Variants in CPAMD8 observed in about 807,000 individuals in gnomAD.
The protein encoded by CPAMD8 is C3 and PZP-like alpha-2-macroglobulin domain-containing protein 8.
In CPAMD8, 146 loss-of-function variants were observed where a neutral mutation model predicts 224.7. The ratio of observed to expected loss-of-function variants is 0.65; its 90% CI spans 0.57 to 0.75. The LOEUF (loss-of-function observed/expected upper bound fraction) is 0.75. Among genes scored for constraint, CPAMD8 ranks in the 30% least tolerant of loss-of-function variants. CPAMD8 has a pLI of 0.00. For missense variants in CPAMD8, 2,301 were observed against 2,537.5 expected (o/e 0.91, Z 2.00); for synonymous variants, 966 against 1,044.6 (o/e 0.92, Z 1.45).
intron 21 of CPAMD8, 31 bp from the exon 22 acceptor site, chr19:16,945,710 C>T (rs771504133): frequency 6.2e-7 from 1 of 1,611,698 alleles, no homozygotes; most frequent in Non-Finnish European, 8.5e-7. Context: ...GGTCTCAGAA[C>T]AGGTCTCCAC....
chr19:16,973,002 C>A (rs1454510376), intron 17 of CPAMD8, among the ~76,000 whole-genome samples: 1 of 151,986 alleles, frequency 6.6e-6, no homozygotes, highest in African/African-American at 2.4e-5. Flanking sequence ...AACCCCATCT[C>A]TATAAATACG....
chr19:16,893,179 C>A lies in CPAMD8; in HGVS notation c.5587G>T (p.Val1863Phe), dbSNP rs372453862. 4 of 1,597,764 alleles carry A rather than the reference C, an allele frequency of 2.5e-6. No homozygotes were observed. Among genetic ancestry groups the A allele is most frequent in the South Asian group, 1.1e-5 (1 of 89,754 alleles). ...CCACTCTGAAAGGCTGGGCTGTAGA[C>A]GAAGACAGGGCTCAGAAGCCCTGGC... The part of the protein sequence containing the change: ...HRPGLLSPVF[V>F]YSPAFQSGGE... The change falls in exon 42 of 42, where the codon GTC becomes TTC. Residue 1863 changes from valine to phenylalanine, a missense_variant. Val to Phe is a conservative substitution (Grantham distance 50). Around this residue, in one of 4 missense-constraint regions of CPAMD8, gnomAD observed 1,709 missense variants for 1,753.2 expected, o/e 0.97. Transcript: ENST00000443236.
chr19:16,956,812 C>T (rs1338126219), intron 19 of CPAMD8, among the ~76,000 whole-genome samples: 2 of 151,800 alleles, frequency 1.3e-5, no homozygotes, highest in Non-Finnish European at 2.9e-5. Flanking sequence ...GGACTACAGG[C>T]GCCCGCCACC....
At chr19:16,939,741 T>C (rs2053822561) in intron 22 of CPAMD8, among the ~76,000 whole-genome samples, 1 of 152,090 alleles carries the variant, frequency 6.6e-6, no homozygotes, top group Admixed American at 6.6e-5. Flanking sequence ...TCTGCCCAAC[T>C]GCTTGAGCTG....
At chr19:17,004,683 G>A (rs977658813) in intron 7 of CPAMD8, among the ~76,000 whole-genome samples, 4 of 152,106 alleles carry the variant, frequency 2.6e-5, no homozygotes, top group Non-Finnish European at 5.9e-5. Context: ...ACAAACGAGG[G>A]AAATGAGCCA....
chr19:17,009,579 C>T (rs2123123228), intron 5 of CPAMD8: 1 of 370,432 alleles, frequency 2.7e-6, no homozygotes, highest in Non-Finnish European at 5.0e-6. Flanking sequence ...TTGAGACCAC[C>T]CTGGCTAACA....
At chr19:16,910,487 A>G (rs1376935782) in intron 29 of CPAMD8, 1 of 131,934 alleles carries the variant, frequency 7.6e-6, no homozygotes, top group African/African-American at 2.9e-5. Context: ...TTTTTTTTAA[A>G]TTAGTGACAG....
intron 23 of CPAMD8, 29 bp downstream of exon 23, chr19:16,938,366 C>G (rs943108388): frequency 1.4e-6 from 2 of 1,449,370 alleles, no homozygotes; most frequent in African/African-American, 3.0e-5. Flanking sequence ...GGTGGCCACA[C>G]CTTAGCAGAA....
intron 40 of CPAMD8, 43 bp from the exon 41 acceptor site, chr19:16,896,369 G>T: frequency 6.5e-7 from 1 of 1,548,992 alleles, no homozygotes; most frequent in South Asian, 1.2e-5. Context: ...TGGCGGGGAG[G>T]GGACCCAAGG....
Position 16,993,411 on chromosome 19 carries a change from C to A in CPAMD8, c.1266+5G>T. The A allele has an allele frequency of 6.2e-7, 1 of 1,610,966 alleles. No homozygotes were observed. Among genetic ancestry groups the A allele is most frequent in the Non-Finnish European group, 8.5e-7 (1 of 1,178,744 alleles). ...GAATAACAAGGGTCCACGGGACTCA[C>A]CCACCTCCAGCCACACGTGCTGGGC... On this transcript the variant is annotated splice_donor_5th_base_variant and intron_variant, in intron 12 of 41. Coordinates refer to ENST00000443236, the MANE Select transcript of CPAMD8 (RefSeq NM_015692.5).
chr19:17,022,332 C>T (rs1035600505), intron 1 of CPAMD8, 151 bp from the exon 2 acceptor site: 3 of 826,272 alleles, frequency 3.6e-6, no homozygotes, highest in African/African-American at 1.7e-5. Flanking sequence ...CTGTGCCCCC[C>T]CATCAGTTCT....
intron 18 of CPAMD8, among the ~76,000 whole-genome samples, chr19:16,960,675 G>A (rs1433185823): frequency 1.3e-5 from 2 of 151,970 alleles, no homozygotes; most frequent in East Asian, 1.9e-4. Context: ...ACTGAGGTGG[G>A]TGGATCACTG....
chr19:16,977,584 CCG>C, intron 14 of CPAMD8, 44 bp from the exon 15 acceptor site: 1 of 1,469,868 alleles, frequency 6.8e-7, no homozygotes, highest in Non-Finnish European at 9.2e-7. Context: ...TTCTCCGCAT[CCG>C]ACATGCAACC....
chr19:16,965,666 G>A (rs148926496), intron 18 of CPAMD8, among the ~76,000 whole-genome samples: 2 of 152,062 alleles, frequency 1.3e-5, no homozygotes, highest in African/African-American at 2.4e-5. Context: ...AAATCAATGT[G>A]CAAAAATCAC....
intron 21 of CPAMD8, 147 bp from the exon 22 acceptor site, chr19:16,945,826 T>C (rs911515102): frequency 6.6e-6 from 5 of 755,724 alleles, no homozygotes; most frequent in Non-Finnish European, 9.1e-6. Context: ...TGTGCATGCA[T>C]GCAAGTGTGT....
intron 3 of CPAMD8, among the ~76,000 whole-genome samples, chr19:17,015,220 T>TGAC (rs2056779214): frequency 6.6e-6 from 1 of 152,134 alleles, no homozygotes; most frequent in Non-Finnish European, 1.5e-5. Context: ...CCAGCCTAGG[T>TGAC]GACAGAGTGA....
intron 19 of CPAMD8, 28 bp downstream of exon 19, chr19:16,957,825 T>A (rs1055690090): frequency 7.4e-6 from 12 of 1,612,688 alleles, no homozygotes; most frequent in Non-Finnish European, 8.5e-6. Flanking sequence ...ACCGGCAAAG[T>A]CAGCGCAGAA....
chr19:16,931,327 G>A (rs1375436308), intron 23 of CPAMD8, among the ~76,000 whole-genome samples: 5 of 152,150 alleles, frequency 3.3e-5, no homozygotes, highest in African/African-American at 4.8e-5. Context: ...CACCACAGCC[G>A]GCACCTGAGC....
chr19:16,989,895 AC>A, intron 12 of CPAMD8, 124 bp from the exon 13 acceptor site: 2 of 885,612 alleles, frequency 2.3e-6, no homozygotes, highest in South Asian at 2.9e-5. Context: ...CCTTTGGGGA[AC>A]CCCCTCCCCA....
Sources: gnomAD v4.1 joint callset for allele counts (sites outside exome capture counted in the v4.1 genomes callset) on GRCh38, gnomAD v4.1.1 for gene constraint, gnomAD v4.1.1 regional missense constraint, MANE v1.5 for transcripts, NCBI Gene and HGNC (gene_info 2026-07-23, HGNC 2026-07-21) for gene names.